The following FRAS1 variants were observed in gnomAD, a reference collection of about 807,000 sequenced individuals.
FRAS1 encodes extracellular matrix organizing protein FRAS1.
FRAS1 carries 290 observed loss-of-function variants against 435.2 expected under a neutral mutation model. The observed-to-expected ratio is 0.67, with a 90% CI of 0.61 to 0.73. FRAS1 has a LOEUF of 0.73. Ranked by LOEUF, FRAS1 falls within the 30% of genes least tolerant of loss-of-function variation. The pLI, the probability that FRAS1 is intolerant of heterozygous loss-of-function variation, is 0.00. For missense variants in FRAS1, 4,860 were observed against 5,001.5 expected (o/e 0.97, Z 0.85); for synonymous variants, 1,800 against 1,851.0 (o/e 0.97, Z 0.71).
chr4:78,114,096 C>A (rs1257188980), intron 2 of FRAS1, among the ~76,000 whole-genome samples: 4 of 152,118 alleles, frequency 2.6e-5, no homozygotes, highest in Non-Finnish European at 5.9e-5. Context: ...ATTCTTTCCC[C>A]ATTGCTTGTT....
At chr4:78,246,206 T>C (rs1725237778) in intron 4 of FRAS1, among the ~76,000 whole-genome samples, 1 of 152,196 alleles carries the variant, frequency 6.6e-6, no homozygotes, top group Middle Eastern at 3.2e-3. Flanking sequence ...TTGAATATGA[T>C]GGAAAGAGAC....
At chr4:78,444,295 T>TG in intron 41 of FRAS1, 1 of 282,482 alleles carries the variant, frequency 3.5e-6, no homozygotes, top group Non-Finnish European at 7.1e-6. Flanking sequence ...TAATGATTAT[T>TG]GGGTCACTGG....
chr4:78,457,632 C>A (rs1719243344), intron 47 of FRAS1, among the ~76,000 whole-genome samples: 1 of 152,228 alleles, frequency 6.6e-6, no homozygotes, highest in Non-Finnish European at 1.5e-5. Context: ...TTACTAATCA[C>A]CGACGTACCC....
At chr4:78,470,373 G>A (rs927516576) in intron 51 of FRAS1, among the ~76,000 whole-genome samples, 5 of 152,136 alleles carry the variant, frequency 3.3e-5, no homozygotes, top group Non-Finnish European at 5.9e-5. Context: ...CATATAGGGT[G>A]GACGTAAGTG....
At chr4:78,321,095 A>G (rs1729486760) in intron 18 of FRAS1, among the ~76,000 whole-genome samples, 1 of 152,238 alleles carries the variant, frequency 6.6e-6, no homozygotes, top group Admixed American at 6.5e-5. Context: ...GTAAATAAAT[A>G]AAAATTAGAG....
intron 2 of FRAS1, among the ~76,000 whole-genome samples, chr4:78,215,306 C>A (rs1400890457): frequency 6.6e-6 from 1 of 152,098 alleles, no homozygotes; most frequent in Non-Finnish European, 1.5e-5. Flanking sequence ...ACGAATTCTT[C>A]TGCCTCAGCC....
At chr4:78,070,551 G>A (rs985572447) in intron 2 of FRAS1, 1 of 152,124 alleles carries the variant, frequency 6.6e-6, no homozygotes, top group Non-Finnish European at 1.5e-5. Flanking sequence ...TAATACCCAT[G>A]CACCCCTGGG....
At chr4:78,243,371 C>G (rs1210294137) in intron 3 of FRAS1, among the ~76,000 whole-genome samples, 3 of 151,748 alleles carry the variant, frequency 2.0e-5, no homozygotes, top group African/African-American at 4.8e-5. Context: ...AATCTTGCCC[C>G]CAGCGATCTT....
intron 2 of FRAS1, among the ~76,000 whole-genome samples, chr4:78,135,465 A>T (rs1318079332): frequency 6.6e-6 from 1 of 152,234 alleles, no homozygotes; most frequent in East Asian, 1.9e-4. Context: ...TGATCTGCAG[A>T]GAAAGCATGG....
intron 53 of FRAS1, 40 bp from the exon 54 acceptor site, chr4:78,475,398 T>TG (rs779640210): frequency 6.2e-7 from 1 of 1,611,484 alleles, no homozygotes. Flanking sequence ...TTCATAACCA[T>TG]GGGGCATAGT....
At chr4:78,170,849 C>T (rs1721519787) in intron 2 of FRAS1, among the ~76,000 whole-genome samples, 3 of 152,042 alleles carry the variant, frequency 2.0e-5, no homozygotes, top group Admixed American at 2.0e-4. Flanking sequence ...ACACTGCATC[C>T]TCAGGTGAAA....
chr4:78,083,908 C>G (rs1220068780), intron 2 of FRAS1, among the ~76,000 whole-genome samples: 3 of 151,910 alleles, frequency 2.0e-5, no homozygotes, highest in Admixed American at 6.6e-5. Context: ...AGCTATAATC[C>G]ATCTAAAATA....
chr4:78,408,998 G>A (rs1156858146), intron 31 of FRAS1, among the ~76,000 whole-genome samples: 2 of 147,826 alleles, frequency 1.4e-5, no homozygotes, highest in Non-Finnish European at 3.0e-5. Context: ...TGGCAGCTAG[G>A]CGGGAGGATC....
Position 78,446,893 on chromosome 4 carries a change from C to T in FRAS1, c.6010+13C>T, listed in dbSNP as rs75774018. On this transcript the variant is annotated intron_variant, in intron 43 of 73. Transcript: ENST00000512123. ...AAGCCTGACCACGGTAGGGCACGAA[C>T]TGCTATGAAAAGCTTCTTAATTGAG... 5.1e-3 allele frequency: 8,075 copies of T among 1,596,488 alleles called. 322 individuals carry two copies. In the African/African-American group the frequency reaches 0.09, roughly 18 times the overall value.
intron 23 of FRAS1, among the ~76,000 whole-genome samples, chr4:78,370,256 T>C (rs1253217260): frequency 6.6e-6 from 1 of 152,248 alleles, no homozygotes; most frequent in African/African-American, 2.4e-5. Context: ...CCTCAGGTTA[T>C]ATATGGCCCA....
intron 2 of FRAS1, among the ~76,000 whole-genome samples, chr4:78,110,359 G>T (rs1362250947): frequency 7.8e-6 from 1 of 128,346 alleles, no homozygotes; most frequent in African/African-American, 3.2e-5. Context: ...TATAATACAA[G>T]GCTACAGTAA....
chr4:78,242,915 A>G (rs1182421868), intron 3 of FRAS1, among the ~76,000 whole-genome samples: 1 of 152,120 alleles, frequency 6.6e-6, no homozygotes, highest in Non-Finnish European at 1.5e-5. Context: ...TCCGTATCTT[A>G]TATTCATATA....
At chr4:78,145,014 C>A (rs1461149502) in intron 2 of FRAS1, among the ~76,000 whole-genome samples, 1 of 152,172 alleles carries the variant, frequency 6.6e-6, no homozygotes, top group African/African-American at 2.4e-5. Flanking sequence ...AAACAATATT[C>A]ATTTCTAATG....
At chr4:78,531,320 G>T (rs1326188395) in intron 70 of FRAS1, among the ~76,000 whole-genome samples, 2 of 152,048 alleles carry the variant, frequency 1.3e-5, no homozygotes, top group African/African-American at 2.4e-5. Context: ...TCCTATTTGA[G>T]TACCCTTTAT....
Sources: gnomAD v4.1 joint callset for allele counts (sites outside exome capture counted in the v4.1 genomes callset) on GRCh38, gnomAD v4.1.1 for gene constraint, MANE v1.5 for transcripts, NCBI Gene and HGNC (gene_info 2026-07-23, HGNC 2026-07-21) for gene names.